TPRG1: variants seen among roughly 807,000 people sequenced by gnomAD.
TPRG1 encodes the protein tumor protein p63-regulated gene 1 protein.
Under a neutral mutation model 29.3 loss-of-function variants are expected in TPRG1, and 29 were observed. That is an observed-to-expected ratio of 0.99 (90% CI 0.74 to 1.35). The LOEUF is 1.35. Among genes scored for constraint, TPRG1 ranks in the 40% most tolerant of loss-of-function variants. The probability of loss-of-function intolerance (pLI) is 0.00; values close to 1 mark genes in which losing one functional copy is unlikely to be tolerated. For missense variants in TPRG1, 327 were observed against 335.0 expected (o/e 0.98, Z 0.19); for synonymous variants, 130 against 116.8 (o/e 1.11, Z -0.73).
intron 1 of TPRG1, among the ~76,000 whole-genome samples, chr3:189,000,183 T>G (rs1342301421): frequency 6.6e-6 from 1 of 152,162 alleles, no homozygotes; most frequent in Non-Finnish European, 1.5e-5. Flanking sequence ...ATTTGGATTT[T>G]TCTTTTTGAT....
chr3:189,317,539 T>C (rs1185321845), intron 5 of TPRG1, among the ~76,000 whole-genome samples: 1 of 152,206 alleles, frequency 6.6e-6, no homozygotes, highest in Non-Finnish European at 1.5e-5. Context: ...ATACTATTAA[T>C]ATTCTTATTT....
intron 1 of TPRG1, among the ~76,000 whole-genome samples, chr3:189,178,130 T>C (rs985752940): frequency 6.6e-6 from 1 of 152,206 alleles, no homozygotes; most frequent in Non-Finnish European, 1.5e-5. Context: ...TGAATATAGA[T>C]GTTCCTTTCA....
chr3:189,179,817 G>A (rs1158275116), intron 1 of TPRG1, among the ~76,000 whole-genome samples: 1 of 152,220 alleles, frequency 6.6e-6, no homozygotes, highest in Non-Finnish European at 1.5e-5. Context: ...TAAGAAAAAG[G>A]GGGAGTACCC....
chr3:189,169,882 T>C (rs1410704875), upstream of TPRG1, among the ~76,000 whole-genome samples: 1 of 152,158 alleles, frequency 6.6e-6, no homozygotes, highest in African/African-American at 2.4e-5. Context: ...GCTGAGGTTT[T>C]CCGTGTGGCA....
intron 3 of TPRG1, among the ~76,000 whole-genome samples, chr3:189,136,995 T>C (rs767995994): frequency 6.6e-6 from 1 of 152,194 alleles, no homozygotes; most frequent in Non-Finnish European, 1.5e-5. Flanking sequence ...CCTGTCCTTA[T>C]GGAATTTGAA....
intron 4 of TPRG1, among the ~76,000 whole-genome samples, chr3:189,075,334 C>T (rs1560429049): frequency 1.3e-5 from 2 of 151,906 alleles, no homozygotes; most frequent in Non-Finnish European, 2.9e-5. Context: ...GGGGTTTCAC[C>T]ATGTTGGCCA....
In TPRG1 at chr3:189,112,266, T is replaced by C. The variant is rs1222329709; in HGVS notation, c.-744+12062T>C. 2.0e-5 allele frequency among the ~76,000 whole-genome samples: 3 copies of C among 152,212 alleles called. No individual in the cohort carries two copies. In the East Asian group the frequency reaches 5.8e-4, roughly 29 times the overall value. ...GATATTGGTCTATAATTTTCTCTCT[T>C]TCTTGGCATGGTTTTGGCATGGAGG... is the stretch of plus-strand genomic sequence containing the variant. On this transcript the variant is annotated intron_variant, in intron 1 of 6. Coordinates refer to the TPRG1 transcript ENST00000412373.
At position 189,283,640 on chromosome 3, in the gene TPRG1, G is replaced by A. The variant is rs545505084; in HGVS notation, c.480-26746G>A. On this transcript the variant is annotated intron_variant, in intron 4 of 5. Transcript: ENST00000345063. ...AGCCCAGAGAGAAGGTTTTCTGTTG[G>A]GGAACGATCAGCAGTGACTGGTCAG... 2.0e-5 allele frequency among the ~76,000 whole-genome samples: 3 copies of A among 152,274 alleles called. No homozygotes were observed. In the South Asian group the frequency reaches 6.2e-4, roughly 32 times the overall value.
At chr3:189,253,580 T>G (rs970795060) in intron 4 of TPRG1, among the ~76,000 whole-genome samples, 1 of 152,216 alleles carries the variant, frequency 6.6e-6, no homozygotes, top group African/African-American at 2.4e-5. Context: ...TGTGTCTTTA[T>G]AGTCAAATGA....
intron 3 of TPRG1, among the ~76,000 whole-genome samples, chr3:189,015,409 TG>T (rs1395885599): frequency 6.6e-6 from 1 of 152,224 alleles, no homozygotes; most frequent in East Asian, 1.9e-4. Flanking sequence ...TTGGAAAATT[TG>T]CAGCCCAACT....
intron 1 of TPRG1, among the ~76,000 whole-genome samples, chr3:189,206,756 C>T (rs1734438841): frequency 1.3e-5 from 2 of 151,436 alleles, no homozygotes; most frequent in African/African-American, 2.4e-5. Context: ...CAGCCTCAGA[C>T]TCCTAGAATG....
intron 3 of TPRG1, among the ~76,000 whole-genome samples, chr3:189,022,812 C>T (rs903235198): frequency 2.6e-5 from 4 of 152,214 alleles, no homozygotes; most frequent in African/African-American, 9.6e-5. Context: ...CAATGGCGGG[C>T]GCCCCTCCCC....
At chr3:189,230,036 A>G (rs755901124) in intron 3 of TPRG1, among the ~76,000 whole-genome samples, 1 of 152,134 alleles carries the variant, frequency 6.6e-6, no homozygotes, top group Non-Finnish European at 1.5e-5. Context: ...CTTCTGATCA[A>G]GTGAATCCCC....
At chr3:189,011,245 G>T (rs1378678516) in intron 3 of TPRG1, among the ~76,000 whole-genome samples, 1 of 152,050 alleles carries the variant, frequency 6.6e-6, no homozygotes, top group Non-Finnish European at 1.5e-5. Flanking sequence ...TGTCTAATCG[G>T]CTCTTTTTTT....
At chr3:189,007,045 T>C (rs568872253) in intron 3 of TPRG1, among the ~76,000 whole-genome samples, 1 of 151,930 alleles carries the variant, frequency 6.6e-6, no homozygotes, top group South Asian at 2.1e-4. Context: ...AATTGACAAA[T>C]GGGATCTAAT....
At chr3:189,313,955 A>C (rs1723090088) in intron 5 of TPRG1, among the ~76,000 whole-genome samples, 1 of 152,216 alleles carries the variant, frequency 6.6e-6, no homozygotes, top group East Asian at 1.9e-4. Flanking sequence ...ATAATGGCTT[A>C]GATAATAGAT....
chr3:189,181,525 G>A (rs1021358856), intron 1 of TPRG1, among the ~76,000 whole-genome samples: 6 of 152,154 alleles, frequency 3.9e-5, no homozygotes, highest in African/African-American at 4.8e-5. Flanking sequence ...AATGCAACCA[G>A]TCTCTTTGCT....
In TPRG1 at chr3:189,206,683, TAG is replaced by T. The variant is rs1273883328; in HGVS notation, c.-9-689_-9-688del. Among the ~76,000 whole-genome samples the T allele has an allele frequency of 6.6e-5, 10 of 152,084 alleles. No individual in the cohort carries two copies. In the South Asian group the frequency reaches 1.9e-3, roughly 28 times the overall value. On this transcript the variant is annotated intron_variant, in intron 1 of 5. Transcript: ENST00000345063. ...GTCTGGCTAATTTTTGTATTTTTTGTAGAGACTGGGTTTCGCCATGTTGCCCA... is the reference window on the plus strand; with the variant it reads ...GTCTGGCTAATTTTTGTATTTTTTGTAGACTGGGTTTCGCCATGTTGCCCA...
chr3:189,269,072 C>T (rs984889959), intron 4 of TPRG1, among the ~76,000 whole-genome samples: 1 of 150,898 alleles, frequency 6.6e-6, no homozygotes, highest in Admixed American at 6.6e-5. Flanking sequence ...TTTAGAAATA[C>T]AAGAGTTAAC....
Sources: gnomAD v4.1 joint callset for allele counts (sites outside exome capture counted in the v4.1 genomes callset) on GRCh38, gnomAD v4.1.1 for gene constraint, MANE v1.5 for transcripts, NCBI Gene and HGNC (gene_info 2026-07-23, HGNC 2026-07-21) for gene names.